KCNT1: variants seen among roughly 807,000 people sequenced by gnomAD.
KCNT1 encodes potassium sodium-activated channel subfamily T member 1, also known as potassium channel subfamily T member 1.
KCNT1 carries 78 observed loss-of-function variants against 147.8 expected under a neutral mutation model. That is an observed-to-expected ratio of 0.53 (90% CI 0.44 to 0.64). The LOEUF is 0.64. KCNT1 is among the 30% of genes least tolerant of loss of function. The pLI is 0.00. For synonymous variants in KCNT1, 867 were observed against 748.8 expected, an observed-to-expected ratio of 1.16 and a Z score of -2.58; for missense variants, 1,419 against 1,750.3, an observed-to-expected ratio of 0.81 and a Z score of 3.38.
intron 3 of KCNT1, chr9:135,750,562 T>C: frequency 3.1e-6 from 1 of 325,922 alleles, no homozygotes. Context: ...CCCTGCCCCG[T>C]TCCCAGCCAG....
Position 135,757,091 on chromosome 9 carries a change from C to T in KCNT1, c.601-65C>T. The T allele has an allele frequency of 3.0e-6, 3 of 991,180 alleles. No homozygotes were observed. The South Asian group carries it at 4.2e-5, about 14-fold the overall frequency. The allele number at this position is 991,180 out of a possible 1,614,324, so 61.4% of individuals were successfully genotyped here. On this transcript the variant is annotated intron_variant, in intron 7 of 30. Coordinates refer to ENST00000371757, the MANE Select transcript of KCNT1 (RefSeq NM_020822.3). ...TCCTCGCCCTCTTCCCCACCCTGCC[C>T]CTCCCCTGCTGGGCCCCACCCCCAC...
At chr9:135,719,256 G>T (rs142294486) in intron 2 of KCNT1, among the ~76,000 whole-genome samples, 47 of 152,352 alleles carry the variant, frequency 3.1e-4, no homozygotes, top group African/African-American at 1.1e-3. Flanking sequence ...TCTGCAGAGG[G>T]GTTAACAGCC....
intron 2 of KCNT1, among the ~76,000 whole-genome samples, chr9:135,741,094 G>A (rs755200591): frequency 1.3e-5 from 2 of 152,204 alleles, no homozygotes; most frequent in Admixed American, 6.5e-5. Flanking sequence ...TGTGCTTGGT[G>A]GCCCCTTCCA....
At chr9:135,782,396 C>T (rs996020560) in intron 24 of KCNT1, among the ~76,000 whole-genome samples, 2 of 152,314 alleles carry the variant, frequency 1.3e-5, no homozygotes, top group African/African-American at 4.8e-5. Flanking sequence ...TCCACCACTT[C>T]ATTGCTTTCA....
chr9:135,785,292 C>A lies in KCNT1; in HGVS notation c.3157-18C>A, dbSNP rs367695978. 1.1e-5 allele frequency: 18 copies of A among 1,612,694 alleles called. No homozygotes were observed. The highest frequency in any genetic ancestry group is 1.4e-5 in the Non-Finnish European group (16 of 1,179,838). On this transcript the variant is annotated intron_variant, in intron 27 of 30. Coordinates refer to ENST00000371757, the MANE Select transcript of KCNT1 (RefSeq NM_020822.3). The stretch of plus-strand genomic sequence containing the variant: ...GGGTGCGCCCACAGGTCCCAGACTG[C>A]GCCTGTTTCCTTTGCAGCCCCACGA...
rs1001177272 is a variant in KCNT1, at chr9:135,794,449, C to T, written c.*2288C>T. ...GCAAGTGGCAGCATTTTTTCATAAT[C>T]TCCAGTAATGAGGCCACTTCGGGTC... On this transcript the variant is annotated 3_prime_UTR_variant, in exon 31 of 31. Transcript: ENST00000371757. 2.6e-5 allele frequency: 4 copies of T among 152,236 alleles called. No individual in the cohort carries two copies. Among genetic ancestry groups the T allele is most frequent in the African/African-American group, 9.7e-5 (4 of 41,440 alleles). 9.4% of individuals were successfully genotyped at this position (152,236 alleles called of 1,614,324 possible). A position where few individuals can be genotyped will look rare whatever the true frequency, so the allele number is the denominator to read the frequency against.
intron 2 of KCNT1, among the ~76,000 whole-genome samples, chr9:135,719,301 G>A (rs1434622791): frequency 6.6e-6 from 1 of 152,240 alleles, no homozygotes; most frequent in East Asian, 1.9e-4. Flanking sequence ...GCGGGACAGG[G>A]GCTGCCTGAG....
chr9:135,720,820 G>T (rs769991172), intron 2 of KCNT1, among the ~76,000 whole-genome samples: 2 of 152,200 alleles, frequency 1.3e-5, no homozygotes, highest in East Asian at 1.9e-4. Flanking sequence ...GCTCTCCTTC[G>T]GGGGTGCTCT....
intron 1 of KCNT1, among the ~76,000 whole-genome samples, 193 bp downstream of exon 1, chr9:135,702,561 C>T (rs1013682345): frequency 6.6e-6 from 1 of 152,160 alleles, no homozygotes; most frequent in Admixed American, 6.5e-5. Flanking sequence ...CACTAATCAG[C>T]AGGTGCCGAG....
At chr9:135,757,065 C>A in intron 7 of KCNT1, 91 bp from the exon 8 acceptor site, 1 of 1,095,154 alleles carries the variant, frequency 9.1e-7, no homozygotes, top group Non-Finnish European at 1.3e-6. Context: ...CCAGGGTGGG[C>A]TCCTCGCCCT....
At chr9:135,719,910 A>G (rs1039580918) in intron 2 of KCNT1, among the ~76,000 whole-genome samples, 2 of 152,206 alleles carry the variant, frequency 1.3e-5, no homozygotes, top group Non-Finnish European at 2.9e-5. Context: ...AGGCTGTTTC[A>G]TTAGCTCCTC....
intron 3 of KCNT1, 62 bp from the exon 4 acceptor site, chr9:135,750,880 A>G (rs1831116661): frequency 6.7e-7 from 1 of 1,483,062 alleles, no homozygotes; most frequent in Non-Finnish European, 9.4e-7. Context: ...ACCCGGGTGC[A>G]GGCCCTGCTC....
At chr9:135,725,973 C>G (rs920355562) in intron 2 of KCNT1, among the ~76,000 whole-genome samples, 1 of 152,148 alleles carries the variant, frequency 6.6e-6, no homozygotes, top group Non-Finnish European at 1.5e-5. Flanking sequence ...GGGCAGCAGC[C>G]TCCCCGGCCA....
intron 18 of KCNT1, among the ~76,000 whole-genome samples, chr9:135,772,480 G>A (rs562785815): frequency 2.6e-5 from 4 of 152,274 alleles, no homozygotes; most frequent in East Asian, 1.9e-4. Context: ...GGGTGGCACC[G>A]ATGGGGCACT....
chr9:135,712,620 C>A (rs931034957), intron 1 of KCNT1, among the ~76,000 whole-genome samples: 2 of 152,174 alleles, frequency 1.3e-5, no homozygotes, highest in African/African-American at 4.8e-5. Context: ...CAACCAGACC[C>A]CGAGGACACG....
Position 135,786,323 on chromosome 9 carries a change from C to T in KCNT1, c.3304C>T (p.His1102Tyr). Reference protein sequence around the residue: ...RHTGGGDPAEHPLLRRKSLQW... With the variant: ...RHTGGGDPAEYPLLRRKSLQW... ...CACGGGCGGCGGTGACCCCGCAGAGCACCCACTGCTACGGCGCAAGAGCCT... is the reference window on the plus strand; with the variant it reads ...CACGGGCGGCGGTGACCCCGCAGAGTACCCACTGCTACGGCGCAAGAGCCT... The change falls in exon 29 of 31, where the codon CAC becomes TAC. Residue 1102 changes from histidine to tyrosine, a missense_variant. This residue lies in a region of KCNT1 where 306 missense variants were observed against 294.2 expected (regional missense o/e 1.04). Transcript: ENST00000371757. The T allele has an allele frequency of 6.3e-7, 1 of 1,599,242 alleles. No individual in the cohort carries two copies.
intron 29 of KCNT1, among the ~76,000 whole-genome samples, chr9:135,787,070 C>G (rs1021436664): frequency 1.4e-4 from 22 of 152,108 alleles, no homozygotes; most frequent in Non-Finnish European, 3.1e-4. Context: ...CCCAGCCCTC[C>G]CAGCAGCCAG....
In KCNT1 at chr9:135,764,024, G is replaced by A. The variant is rs372407853; in HGVS notation, c.1036-1007G>A. On this transcript the variant is annotated intron_variant, in intron 11 of 30. Coordinates refer to ENST00000371757, the MANE Select transcript of KCNT1 (RefSeq NM_020822.3). ...CCCAGCTGTGGAAACTGTTTTGTGT[G>A]GCAAGGCAGTGGAGCCTCGTCACCG... 1.1e-3 allele frequency among the ~76,000 whole-genome samples: 168 copies of A among 152,314 alleles called. 1 individual carries two copies. Among genetic ancestry groups the A allele is most frequent in the African/African-American group, 3.7e-3 (152 of 41,568 alleles).
In KCNT1 at chr9:135,779,488, G is replaced by A. The variant is rs763792397; in HGVS notation, c.2841+18G>A. 5.4e-5 allele frequency: 83 copies of A among 1,546,230 alleles called. No homozygotes were observed. Among genetic ancestry groups the A allele is most frequent in the African/African-American group, 9.5e-5 (7 of 73,590 alleles). Reference sequence around the variant, plus strand: ...TAGAAAAGGTGAGCAGCCCTGCCCCGTGCCAGCTGCCACCCCAGAATCCCA... The same window carrying A: ...TAGAAAAGGTGAGCAGCCCTGCCCCATGCCAGCTGCCACCCCAGAATCCCA... On this transcript the variant is annotated intron_variant, in intron 24 of 30. Transcript: ENST00000371757.
Sources: allele counts gnomAD v4.1 joint callset (sites outside exome capture counted in the v4.1 genomes callset), GRCh38; gene constraint gnomAD v4.1.1; regional missense constraint gnomAD v4.1.1; transcripts MANE v1.5; gene names NCBI Gene and HGNC (gene_info 2026-07-23, HGNC 2026-07-21).